Variants in KIT observed in about 807,000 individuals in gnomAD.
KIT encodes the protein KIT proto-oncogene, receptor tyrosine kinase.
A neutral mutation model predicts 105.7 loss-of-function variants in KIT; 16 were observed. That is an observed-to-expected ratio of 0.15 (90% CI 0.10 to 0.23). KIT has a LOEUF of 0.23. Ranked by LOEUF, KIT falls within the 10% of genes least tolerant of loss-of-function variation. The pLI is 1.00. For synonymous variants in KIT, 438 were observed against 441.1 expected, an observed-to-expected ratio of 0.99 and a Z score of 0.09; for missense variants, 858 against 1,213.8, an observed-to-expected ratio of 0.71 and a Z score of 4.36.
chr4:54,667,336 A>G (rs929552539), intron 1 of KIT, among the ~76,000 whole-genome samples: 1 of 152,108 alleles, frequency 6.6e-6, no homozygotes, highest in Non-Finnish European at 1.5e-5. Flanking sequence ...AATACCTGTC[A>G]CTTTGAAATT....
chr4:54,723,493 A>T, intron 7 of KIT, 91 bp from the exon 8 acceptor site: 1 of 832,132 alleles, frequency 1.2e-6, no homozygotes, highest in Non-Finnish European at 2.1e-6. Context: ...CAGCAGCCTC[A>T]GGAAGGTTGT....
At chr4:54,736,848 G>A (rs760476682) in intron 19 of KIT, 28 bp downstream of exon 19, 10 of 1,556,350 alleles carry the variant, frequency 6.4e-6, no homozygotes, top group Non-Finnish European at 8.9e-6. Context: ...TTTCCTTTAG[G>A]TCACGTTTTC....
chr4:54,700,617 A>G (rs1250281711), intron 4 of KIT, among the ~76,000 whole-genome samples: 1 of 152,180 alleles, frequency 6.6e-6, no homozygotes, highest in Non-Finnish European at 1.5e-5. Context: ...AGTGGTTTTT[A>G]TTCATTACCC....
At chr4:54,668,146 C>G (rs2109557636) in intron 1 of KIT, among the ~76,000 whole-genome samples, 1 of 152,292 alleles carries the variant, frequency 6.6e-6, no homozygotes, top group African/African-American at 2.4e-5. Flanking sequence ...AGATTCTTCC[C>G]TGGATCCCCC....
intron 17 of KIT, among the ~76,000 whole-genome samples, chr4:54,735,857 G>A: frequency 6.6e-6 from 1 of 152,106 alleles, no homozygotes; most frequent in Non-Finnish European, 1.5e-5. Flanking sequence ...ACCCGGGCAA[G>A]TCTTTCCTTT....
intron 1 of KIT, among the ~76,000 whole-genome samples, chr4:54,690,069 G>GGGC (rs1553886423): frequency 2.1e-5 from 3 of 144,718 alleles, no homozygotes; most frequent in African/African-American, 7.7e-5. Flanking sequence ...GGGGGGGGGG[G>GGGC]GCTGTGTAAT....
chr4:54,698,088 C>T (rs1438673431), intron 2 of KIT, among the ~76,000 whole-genome samples, 196 bp from the exon 3 acceptor site: 3 of 152,038 alleles, frequency 2.0e-5, no homozygotes, highest in South Asian at 2.1e-4. Context: ...AAGCTTAGTG[C>T]GTGATACATG....
chr4:54,676,388 G>C (rs897597802), intron 1 of KIT, among the ~76,000 whole-genome samples: 1 of 152,208 alleles, frequency 6.6e-6, no homozygotes, highest in Non-Finnish European at 1.5e-5. Context: ...CAGCTGTCAG[G>C]CTGTGCTAGT....
intron 7 of KIT, among the ~76,000 whole-genome samples, chr4:54,722,346 G>A (rs1268198676): frequency 2.0e-5 from 3 of 152,204 alleles, no homozygotes; most frequent in East Asian, 3.9e-4. Context: ...CTCTCTGTAT[G>A]TGCCATCTCA....
chr4:54,671,036 C>G (rs1219136686), intron 1 of KIT, among the ~76,000 whole-genome samples: 1 of 152,184 alleles, frequency 6.6e-6, no homozygotes, highest in Non-Finnish European at 1.5e-5. Context: ...CACCATCAGC[C>G]CTACTGCATG....
At chr4:54,659,879 C>T (rs1717117520) in intron 1 of KIT, among the ~76,000 whole-genome samples, 1 of 152,120 alleles carries the variant, frequency 6.6e-6, no homozygotes, top group Admixed American at 6.5e-5. Flanking sequence ...AGGTCTGTCT[C>T]CTGGGGGGGC....
intron 1 of KIT, among the ~76,000 whole-genome samples, chr4:54,664,582 ATTAT>A (rs3033777): frequency 0.15 from 22,314 of 144,188 alleles, 1,912 homozygotes; most frequent in African/African-American, 0.22. Context: ...GTCTGTTTTT[ATTAT>A]TTATTTATTT....
chr4:54,690,507 T>A (rs1055804648), intron 1 of KIT, among the ~76,000 whole-genome samples: 10 of 152,256 alleles, frequency 6.6e-5, no homozygotes, highest in African/African-American at 2.4e-4. Context: ...TTCCTTATAG[T>A]GCTAGTTGGT....
At chr4:54,687,813 T>TAC (rs1719426794) in intron 1 of KIT, among the ~76,000 whole-genome samples, 1 of 152,180 alleles carries the variant, frequency 6.6e-6, no homozygotes, top group Non-Finnish European at 1.5e-5. Flanking sequence ...AGCTCTCCCC[T>TAC]ACACCCTTTC....
chr4:54,659,888 G>T (rs763754987), intron 1 of KIT, among the ~76,000 whole-genome samples: 4 of 152,046 alleles, frequency 2.6e-5, no homozygotes, highest in African/African-American at 7.3e-5. Flanking sequence ...TCCTGGGGGG[G>T]CAGTGTGGTG....
intron 1 of KIT, among the ~76,000 whole-genome samples, chr4:54,663,974 G>A (rs908687367): frequency 1.3e-5 from 2 of 151,960 alleles, no homozygotes; most frequent in African/African-American, 4.8e-5. Flanking sequence ...GGTGGAGGAG[G>A]GCCAGGGCAA....
chr4:54,684,395 A>C (rs1165353273), intron 1 of KIT, among the ~76,000 whole-genome samples: 1 of 152,194 alleles, frequency 6.6e-6, no homozygotes, highest in Non-Finnish European at 1.5e-5. Context: ...GCTTGAGCCC[A>C]AAATGGGCTT....
At chr4:54,685,199 G>A (rs1183731103) in intron 1 of KIT, among the ~76,000 whole-genome samples, 1 of 151,998 alleles carries the variant, frequency 6.6e-6, no homozygotes, top group Non-Finnish European at 1.5e-5. Flanking sequence ...CCCTCCCTGG[G>A]GGATTTCATG....
At chr4:54,697,956 C>T (rs1207078035) in intron 2 of KIT, among the ~76,000 whole-genome samples, 1 of 152,144 alleles carries the variant, frequency 6.6e-6, no homozygotes, top group Non-Finnish European at 1.5e-5. Context: ...ATTTCCAGGT[C>T]ATGTCACTTT....
Sources: gnomAD v4.1 joint callset for allele counts (sites outside exome capture counted in the v4.1 genomes callset) on GRCh38, gnomAD v4.1.1 for gene constraint, MANE v1.5 for transcripts, NCBI Gene and HGNC (gene_info 2026-07-23, HGNC 2026-07-21) for gene names.